Variants in DDX10 observed in about 807,000 individuals in gnomAD.
The protein encoded by DDX10 is probable ATP-dependent RNA helicase DDX10.
DDX10 carries 74 observed loss-of-function variants against 104.3 expected under a neutral mutation model. The observed-to-expected ratio is 0.71, with a 90% CI of 0.59 to 0.86. The LOEUF is 0.86. Ranked by LOEUF, DDX10 falls within the 40% of genes least tolerant of loss-of-function variation. The probability of loss-of-function intolerance (pLI) is 0.00; values close to 1 mark genes in which losing one functional copy is unlikely to be tolerated. For synonymous variants in DDX10, 351 were observed against 353.4 expected, an observed-to-expected ratio of 0.99 and a Z score of 0.08; for missense variants, 952 against 1,040.0, an observed-to-expected ratio of 0.92 and a Z score of 1.16.
intron 13 of DDX10, among the ~76,000 whole-genome samples, chr11:108,749,835 A>G (rs1183834677): frequency 6.6e-6 from 1 of 152,206 alleles, no homozygotes; most frequent in Middle Eastern, 3.2e-3. Context: ...GCTTTTAAGA[A>G]ACTTAGGTAA....
intron 13 of DDX10, among the ~76,000 whole-genome samples, chr11:108,795,501 C>A (rs1418509841): frequency 9.1e-6 from 1 of 110,268 alleles, no homozygotes; most frequent in East Asian, 3.3e-4. Flanking sequence ...CTCCCCCCAC[C>A]CCACAACAGG....
intron 16 of DDX10, among the ~76,000 whole-genome samples, chr11:108,913,939 A>G (rs577257172): frequency 1.3e-5 from 2 of 152,176 alleles, no homozygotes; most frequent in Non-Finnish European, 2.9e-5. Context: ...TCCACATTTT[A>G]TTGGTCATTG....
intron 13 of DDX10, among the ~76,000 whole-genome samples, chr11:108,832,604 C>T (rs1031538003): frequency 6.6e-6 from 1 of 152,180 alleles, no homozygotes; most frequent in Admixed American, 6.5e-5. Context: ...AAAACTTCCC[C>T]GAGGTACTCT....
At chr11:108,739,954 G>C (rs7103086) in intron 13 of DDX10, among the ~76,000 whole-genome samples, 1 of 149,824 alleles carries the variant, frequency 6.7e-6, no homozygotes, top group Non-Finnish European at 1.5e-5. Flanking sequence ...GTTTGTTTTC[G>C]TGAGAAGTTT....
At chr11:108,795,482 C>T (rs1565280763) in intron 13 of DDX10, among the ~76,000 whole-genome samples, 1 of 139,000 alleles carries the variant, frequency 7.2e-6, no homozygotes, top group Non-Finnish European at 1.6e-5. Flanking sequence ...CTAATGCTAT[C>T]TCTCCCCCCT....
chr11:108,882,133 T>C (rs1356955575), intron 16 of DDX10, among the ~76,000 whole-genome samples: 1 of 152,132 alleles, frequency 6.6e-6, no homozygotes, highest in Non-Finnish European at 1.5e-5. Flanking sequence ...AAAAGAAAAT[T>C]AGAAAAGCAT....
intron 13 of DDX10, among the ~76,000 whole-genome samples, chr11:108,770,571 A>T (rs2134525980): frequency 7.3e-6 from 1 of 137,154 alleles, no homozygotes; most frequent in Non-Finnish European, 1.5e-5. Flanking sequence ...CCATGAGTTC[A>T]ATTGTTTTGA....
chr11:108,670,647 CT>C (rs140773302), intron 1 of DDX10, among the ~76,000 whole-genome samples: 5,151 of 152,146 alleles, frequency 0.034, 284 homozygotes, highest in African/African-American at 0.12. Flanking sequence ...GGAGGGGCTG[CT>C]GGAAAACTGG....
chr11:108,731,967 A>G (rs2094312865), intron 13 of DDX10, among the ~76,000 whole-genome samples: 1 of 152,178 alleles, frequency 6.6e-6, no homozygotes, highest in Admixed American at 6.5e-5. Flanking sequence ...TTGTCTTTGT[A>G]GACACCATAC....
intron 16 of DDX10, among the ~76,000 whole-genome samples, chr11:108,891,977 A>G (rs1270907806): frequency 6.6e-6 from 1 of 152,134 alleles, no homozygotes; most frequent in African/African-American, 2.4e-5. Context: ...AATGTCTCCA[A>G]CCAGAAAACT....
At chr11:108,746,112 T>C (rs1356283980) in intron 13 of DDX10, among the ~76,000 whole-genome samples, 1 of 152,182 alleles carries the variant, frequency 6.6e-6, no homozygotes, top group African/African-American at 2.4e-5. Flanking sequence ...TAATCTATTT[T>C]CTGTCTGTAT....
chr11:108,718,325 A>G (rs138968121), intron 11 of DDX10, among the ~76,000 whole-genome samples: 141 of 152,344 alleles, frequency 9.3e-4, no homozygotes, highest in African/African-American at 3.1e-3. Flanking sequence ...TTGGACTTCT[A>G]TAAGCTCACT....
In DDX10 at chr11:108,912,397, C is replaced by T. The variant is rs897231811; in HGVS notation, c.2305-5476C>T. 9.2e-5 allele frequency among the ~76,000 whole-genome samples: 14 copies of T among 151,890 alleles called. No homozygotes were observed. The East Asian group carries it at 1.9e-3, about 21-fold the overall frequency. Reference sequence around the variant, plus strand: ...TCTCCTTCCTTAATATTTCTCATACCGATCCTCCACCTTCATCTCCACTGC... The same window carrying T: ...TCTCCTTCCTTAATATTTCTCATACTGATCCTCCACCTTCATCTCCACTGC... On this transcript the variant is annotated intron_variant, in intron 16 of 17. Transcript: ENST00000322536.
chr11:108,845,107 CT>C (rs1862696473), intron 15 of DDX10, among the ~76,000 whole-genome samples: 1 of 152,092 alleles, frequency 6.6e-6, no homozygotes, highest in African/African-American at 2.4e-5. Context: ...ACTCCGGAGG[CT>C]GAGGCAGGAG....
chr11:108,938,462 A>T (rs1490572542), intron 17 of DDX10, among the ~76,000 whole-genome samples: 1 of 152,226 alleles, frequency 6.6e-6, no homozygotes, highest in Non-Finnish European at 1.5e-5. Flanking sequence ...GATGCACTTG[A>T]TGTATAGGCA....
chr11:108,766,981 C>A (rs1281118131), intron 13 of DDX10, among the ~76,000 whole-genome samples: 1 of 152,090 alleles, frequency 6.6e-6, no homozygotes, highest in Non-Finnish European at 1.5e-5. Flanking sequence ...GTAATAGATG[C>A]TAATTGATGT....
intron 13 of DDX10, among the ~76,000 whole-genome samples, chr11:108,825,750 TTA>T (rs1343298008): frequency 3.9e-5 from 6 of 152,218 alleles, no homozygotes; most frequent in African/African-American, 1.4e-4. Context: ...GGATTACAAT[TTA>T]TAAACTACAA....
chr11:108,790,138 G>A (rs925628902), intron 13 of DDX10, among the ~76,000 whole-genome samples: 1 of 152,162 alleles, frequency 6.6e-6, no homozygotes, highest in African/African-American at 2.4e-5. Flanking sequence ...CTTTTAGCAA[G>A]TAATAAGGGT....
chr11:108,694,695 A>G (rs1433278708), intron 9 of DDX10, among the ~76,000 whole-genome samples: 1 of 152,180 alleles, frequency 6.6e-6, no homozygotes, highest in East Asian at 1.9e-4. Context: ...CCTGAGCAAC[A>G]TGGTGAAACC....
Sources: gnomAD v4.1 joint callset for allele counts (sites outside exome capture counted in the v4.1 genomes callset) on GRCh38, gnomAD v4.1.1 for gene constraint, MANE v1.5 for transcripts, NCBI Gene and HGNC (gene_info 2026-07-23, HGNC 2026-07-21) for gene names.